Variants in TLE6 observed in about 807,000 individuals in gnomAD.
TLE6 encodes transducin-like enhancer protein 6.
TLE6 carries 72 observed loss-of-function variants against 77.1 expected under a neutral mutation model. The observed-to-expected ratio is 0.93, with a 90% CI of 0.77 to 1.14. The LOEUF is 1.14. Among genes scored for constraint, TLE6 ranks in the 50% most tolerant of loss-of-function variants. The probability of loss-of-function intolerance (pLI) is 0.00; values close to 1 mark genes in which losing one functional copy is unlikely to be tolerated. For synonymous variants in TLE6, 366 were observed against 287.3 expected (o/e 1.27, Z -2.77); for missense variants, 843 against 747.6 (o/e 1.13, Z -1.49).
chr19:2,991,395 T>TATACAC lies in TLE6; in HGVS notation c.1245-447_1245-446insTACACA, dbSNP rs1555686268. On this transcript the variant is annotated intron_variant, in intron 13 of 16. Transcript: ENST00000246112. ...AAATACGTATATATATATATATATA[T>TATACAC]ACACACACACACACACACACACACA... 6.9e-3 allele frequency among the ~76,000 whole-genome samples: 784 copies of TATACAC among 114,086 alleles called. 8 individuals carry two copies. The highest frequency in any genetic ancestry group is 0.014 in the South Asian group (50 of 3,604). 74.8% of individuals were successfully genotyped at this position (114,086 alleles called of 152,430 possible). A position where few individuals can be genotyped will look rare whatever the true frequency, so the allele number is the denominator to read the frequency against.
In TLE6 at chr19:2,989,706, C is replaced by T; in HGVS notation, c.1165C>T (p.Leu389=). The T allele has an allele frequency of 6.2e-7, 1 of 1,614,190 alleles. No homozygotes were observed. The highest frequency in any genetic ancestry group is 8.5e-7 in the Non-Finnish European group (1 of 1,180,024). The change falls in exon 13 of 17, where the codon CTG becomes TTG. Residue 389 remains leucine, a synonymous_variant. Transcript: ENST00000246112. The part of the protein sequence containing the change: ...GLNCQALDAN[L]DANLAFASFT... ...CAACTGCCAGGCCCTGGATGCCAAC[C>T]TGGATGCCAACCTGGCCTTCGCCAG... is the stretch of plus-strand genomic sequence containing the variant.
chr19:2,980,304 G>C, intron 3 of TLE6, 122 bp downstream of exon 3: 2 of 728,940 alleles, frequency 2.7e-6, no homozygotes, highest in Admixed American at 5.5e-5. Flanking sequence ...TCAGGAACAG[G>C]AAGCCATGCA....
chr19:2,988,183 T>G, intron 11 of TLE6, 55 bp downstream of exon 11: 2 of 1,513,648 alleles, frequency 1.3e-6, no homozygotes, highest in Non-Finnish European at 1.8e-6. Flanking sequence ...GGGAATTCCT[T>G]CCTGTCTATA....
At chr19:2,981,483 T>C (rs1241617324) in intron 3 of TLE6, 55 bp from the exon 4 acceptor site, 1 of 1,539,480 alleles carries the variant, frequency 6.5e-7, no homozygotes, top group African/African-American at 1.4e-5. Flanking sequence ...GGGCTCACTC[T>C]GGGGAGGGAG....
chr19:2,994,691 C>G (rs1265509405), intron 16 of TLE6, among the ~76,000 whole-genome samples: 1 of 152,150 alleles, frequency 6.6e-6, no homozygotes, highest in Non-Finnish European at 1.5e-5. Flanking sequence ...GCGGTCCCAG[C>G]TACTTGGGAG....
chr19:2,988,011 G>A, intron 10 of TLE6, 37 bp downstream of exon 10: 1 of 1,593,764 alleles, frequency 6.3e-7, no homozygotes, highest in Non-Finnish European at 8.5e-7. Flanking sequence ...CCAGCGTGAA[G>A]GCTGCCCAGG....
At chr19:2,980,461 T>C in intron 3 of TLE6, 1 of 272,770 alleles carries the variant, frequency 3.7e-6, no homozygotes, top group Admixed American at 4.9e-5. Context: ...AACGGCTGGG[T>C]ATGGTGGCTC....
rs1242308954 is a variant in TLE6 at position 2,987,964 on chromosome 19, G to T, written c.692G>T (p.Gly231Val). 9.3e-6 allele frequency: 15 copies of T among 1,610,412 alleles called. No individual in the cohort carries two copies. Among genetic ancestry groups the T allele is most frequent in the Non-Finnish European group, 1.2e-5 (14 of 1,177,874 alleles). The change falls in exon 10 of 17, where the codon GGT (glycine) becomes GTT (valine). Residue 231 changes from glycine (G) to valine (V), a missense_variant. By Grantham distance (109) the Gly-to-Val change is moderately radical. Coordinates refer to ENST00000246112, the MANE Select transcript of TLE6 (RefSeq NM_001143986.2). ...TCCCAAGACAGGAACACAAGTTGGG[G>T]TGTGGTCCAGGTGAGACCCAGGCCC... ...EGSQDRNTSW[G>V]VVQEPPGRAS...
chr19:2,994,377 G>A (rs1163225422), intron 16 of TLE6, among the ~76,000 whole-genome samples: 6 of 152,174 alleles, frequency 3.9e-5, no homozygotes, highest in East Asian at 1.9e-4. Flanking sequence ...TTGGGAGGCC[G>A]AGACGGGCAG....
chr19:2,987,839 G>A (rs371355893), intron 9 of TLE6, 49 bp downstream of exon 9: 204 of 1,613,806 alleles, frequency 1.3e-4, no homozygotes, highest in Middle Eastern at 8.2e-4. Flanking sequence ...GATGGGGTGG[G>A]GGCATCCTGT....
At chr19:2,982,223 C>T (rs2145021978) in intron 5 of TLE6, 34 bp downstream of exon 5, 4 of 1,550,644 alleles carry the variant, frequency 2.6e-6, no homozygotes, top group Non-Finnish European at 3.5e-6. Flanking sequence ...TGCGGCTGTC[C>T]CTCCATGAAA....
rs2088719707 is a variant in TLE6, at chr19:2,978,265, GCC to G, written c.37_38del (p.Pro13GlufsTer13). ...TCTAGGGACCAGCCCAGACCCAAGG[GCC>G]CCCCGAAAAGCACTTCGGTGAGGAG... is the stretch of plus-strand genomic sequence containing the variant. On this transcript the variant is annotated frameshift_variant, in exon 2 of 17. Transcript: ENST00000246112. LOFTEE classifies it high-confidence loss of function. 2 of 1,551,416 alleles carry G rather than the reference GCC, an allele frequency of 1.3e-6. No homozygotes were observed. Among genetic ancestry groups the G allele is most frequent in the Non-Finnish European group, 1.7e-6 (2 of 1,146,970 alleles).
Position 2,989,280 on chromosome 19 carries a change from G to T in TLE6, c.960G>T (p.Glu320Asp), listed in dbSNP as rs779357860. 31 of 1,613,340 alleles carry T rather than the reference G, an allele frequency of 1.9e-5. No homozygotes were observed. The highest frequency in any genetic ancestry group is 2.5e-5 in the Non-Finnish European group (30 of 1,180,052). Residue 320 changes from glutamate to aspartate, a missense_variant, in exon 12 of 17, where the codon GAG becomes GAT. By Grantham distance (45) the Glu-to-Asp change is conservative. Transcript: ENST00000246112. ...GGAGCCTGACTGGACAGGTGGCTGA[G>T]GACAGGTTCCCTGAGAGCCACCTGC... ...KVWSLTGQVA[E>D]DRFPESHLPI...
chr19:2,981,440 C>T (rs2088795690), intron 3 of TLE6, 98 bp from the exon 4 acceptor site: 4 of 1,375,232 alleles, frequency 2.9e-6, no homozygotes, highest in Admixed American at 2.1e-5. Flanking sequence ...TGCCTTCCAG[C>T]TTCATTGAGA....
chr19:2,986,071 C>CA lies in TLE6; in HGVS notation c.223-719dup, dbSNP rs547031586. Reference sequence around the variant, plus strand: ...CCTGGGCCACAGCGTGAGACTGTCTCAAAAAAAAAAAAAAAAAAAAAAAAA... The same window carrying CA: ...CCTGGGCCACAGCGTGAGACTGTCTCAAAAAAAAAAAAAAAAAAAAAAAAAA... On this transcript the variant is annotated intron_variant, in intron 5 of 16. Coordinates refer to ENST00000246112, the MANE Select transcript of TLE6 (RefSeq NM_001143986.2). Among the ~76,000 whole-genome samples, 227 of 41,258 alleles carry CA rather than the reference C, an allele frequency of 5.5e-3. 44 individuals are homozygous for CA. The Middle Eastern group carries it at 0.088, about 16-fold the overall frequency. The allele number at this position is 41,258 out of a possible 152,430, so 27.1% of individuals were successfully genotyped here. A position where few individuals can be genotyped will look rare whatever the true frequency, so the allele number is the denominator to read the frequency against.
Position 2,995,038 on chromosome 19 carries a change from T to A in TLE6, c.*34T>A. On this transcript the variant is annotated 3_prime_UTR_variant, in exon 17 of 17. Coordinates refer to ENST00000246112, the MANE Select transcript of TLE6 (RefSeq NM_001143986.2). ...GCTGCTGTCATCCCACTCCGGCTCC[T>A]CTTTTCATCCCCCCCCTTCCCCCCC... is the stretch of plus-strand genomic sequence containing the variant. 14 of 1,294,172 alleles carry A rather than the reference T, an allele frequency of 1.1e-5. No homozygotes were observed. Among genetic ancestry groups the A allele is most frequent in the Non-Finnish European group, 1.4e-5 (13 of 929,496 alleles). The allele number at this position is 1,294,172 out of a possible 1,614,324, so 80.2% of individuals were successfully genotyped here. A position where few individuals can be genotyped will look rare whatever the true frequency, so the allele number is the denominator to read the frequency against.
At position 2,987,216 on chromosome 19, in the gene TLE6, G is replaced by C. The variant is rs757641947; in HGVS notation, c.519G>C (p.Glu173Asp). 2 of 1,614,018 alleles carry C rather than the reference G, an allele frequency of 1.2e-6. No homozygotes were observed. The highest frequency in any genetic ancestry group is 2.7e-5 in the African/African-American group (2 of 74,904). Residue 173 changes from glutamate to aspartate, a missense_variant, in exon 7 of 17, where the codon GAG becomes GAC. Coordinates refer to ENST00000246112, the MANE Select transcript of TLE6 (RefSeq NM_001143986.2). ...GGATTTTTGCCGGCGTCCACGATGA[G>C]AAGGCAAAGCCCAGAGACAGACGTG... ...LWRIFAGVHD[E>D]KAKPRDRQQA... is the part of the protein sequence containing the mutation.
intron 5 of TLE6, among the ~76,000 whole-genome samples, chr19:2,986,071 CAAAAAAAAAAAAAAAAAAAA>C (rs547031586): frequency 2.6e-3 from 107 of 41,268 alleles, no homozygotes; most frequent in East Asian, 6.2e-3. Flanking sequence ...GAGACTGTCT[CAAAAAAAAAAAAAAAAAAAA>C]AAAAAAAAAA....
chr19:2,978,326 C>T lies in TLE6; in HGVS notation c.51+42C>T, dbSNP rs532823607. On this transcript the variant is annotated intron_variant, in intron 2 of 16. Coordinates refer to ENST00000246112, the MANE Select transcript of TLE6 (RefSeq NM_001143986.2). The stretch of plus-strand genomic sequence containing the variant: ...GTGGGATCAGCCCTCAAGGGAAACC[C>T]GGGCCCAATGTGGTTCTGCCCCTTT... 3.5e-4 allele frequency: 544 copies of T among 1,547,644 alleles called. 5 individuals are homozygous for T. In the South Asian group the frequency reaches 5.7e-3, roughly 16 times the overall value.
Sources: allele counts gnomAD v4.1 joint callset (sites outside exome capture counted in the v4.1 genomes callset), GRCh38; gene constraint gnomAD v4.1.1; transcripts MANE v1.5; gene names NCBI Gene and HGNC (gene_info 2026-07-23, HGNC 2026-07-21).